TNFSF4: variants seen among roughly 807,000 people sequenced by gnomAD.
TNFSF4 encodes the protein tumor necrosis factor ligand superfamily member 4.
A neutral mutation model predicts 7.3 loss-of-function variants in TNFSF4; 4 were observed. The ratio of observed to expected loss-of-function variants is 0.55; its 90% CI spans 0.27 to 1.25. The LOEUF (loss-of-function observed/expected upper bound fraction) is 1.25. Ranked by LOEUF, TNFSF4 falls within the 50% of genes most tolerant of loss-of-function variation. TNFSF4 has a pLI of 0.12. For missense variants in TNFSF4, 181 were observed against 208.8 expected, an observed-to-expected ratio of 0.87 and a Z score of 0.82; for synonymous variants, 76 against 83.7, an observed-to-expected ratio of 0.91 and a Z score of 0.50.
the TNFSF4 span, among the ~76,000 whole-genome samples, chr1:173,252,550 T>C: frequency 6.6e-6 from 1 of 152,120 alleles, no homozygotes; most frequent in Non-Finnish European, 1.5e-5. Context: ...ACTTCTGCCC[T>C]GAATCTAGGT....
chr1:173,370,444 A>C, the TNFSF4 span, among the ~76,000 whole-genome samples: 8 of 152,196 alleles, frequency 5.3e-5, no homozygotes, highest in Non-Finnish European at 8.8e-5. Context: ...ATCTGTTGAC[A>C]TGTGCTCTAG....
the TNFSF4 span, among the ~76,000 whole-genome samples, chr1:173,291,307 G>C: frequency 6.6e-6 from 1 of 152,096 alleles, no homozygotes; most frequent in African/African-American, 2.4e-5. Context: ...TGCTAAATCA[G>C]TCATAAGAAG....
the TNFSF4 span, among the ~76,000 whole-genome samples, chr1:173,449,951 T>C: frequency 2.0e-5 from 3 of 151,928 alleles, 1 homozygote; most frequent in South Asian, 4.1e-4. Context: ...CTCAAATAAA[T>C]TGGAAACAGA....
At chr1:173,189,010 TCG>T (rs1372981638) in intron 1 of TNFSF4, among the ~76,000 whole-genome samples, 3 of 152,002 alleles carry the variant, frequency 2.0e-5, no homozygotes, top group Non-Finnish European at 4.4e-5. Context: ...CAGGCATGAG[TCG>T]CCATGCCCGG....
the TNFSF4 span, among the ~76,000 whole-genome samples, chr1:173,289,286 T>C: frequency 4.2e-4 from 64 of 152,132 alleles, 1 homozygote; most frequent in Non-Finnish European, 7.1e-4. Context: ...TGAAGATTTA[T>C]ATAGAAATGT....
intron 1 of TNFSF4, among the ~76,000 whole-genome samples, chr1:173,200,200 A>C (rs1649884567): frequency 6.6e-6 from 1 of 152,252 alleles, no homozygotes; most frequent in African/African-American, 2.4e-5. Context: ...GTGGCCAGGC[A>C]TAACAGAAGA....
At chr1:173,265,182 G>C in the TNFSF4 span, among the ~76,000 whole-genome samples, 2 of 152,178 alleles carry the variant, frequency 1.3e-5, no homozygotes, top group African/African-American at 4.8e-5. Flanking sequence ...TGAGAGATGT[G>C]AATTTATTTT....
the TNFSF4 span, among the ~76,000 whole-genome samples, chr1:173,410,817 G>A: frequency 6.6e-6 from 1 of 152,194 alleles, no homozygotes; most frequent in Non-Finnish European, 1.5e-5. Context: ...CTTTGGCCTA[G>A]GACTTGCCTG....
chr1:173,370,785 A>AGGCCCTTAGTCAT, the TNFSF4 span, among the ~76,000 whole-genome samples: 2 of 147,674 alleles, frequency 1.4e-5, no homozygotes, highest in Admixed American at 1.3e-4. Context: ...GATCAGAGAA[A>AGGCCCTTAGTCAT]GGCCCTTAGT....
chr1:173,217,889 A>G, the TNFSF4 span, among the ~76,000 whole-genome samples: 3 of 152,164 alleles, frequency 2.0e-5, no homozygotes, highest in Admixed American at 6.5e-5. Flanking sequence ...GCTGGGACAC[A>G]GGAACGTGCC....
At chr1:173,265,496 T>C in the TNFSF4 span, among the ~76,000 whole-genome samples, 1 of 152,190 alleles carries the variant, frequency 6.6e-6, no homozygotes, top group Non-Finnish European at 1.5e-5. Context: ...TATGATCATA[T>C]ATAAAACAGC....
chr1:173,245,860 G>C, the TNFSF4 span, among the ~76,000 whole-genome samples: 1 of 152,082 alleles, frequency 6.6e-6, no homozygotes, highest in Non-Finnish European at 1.5e-5. Flanking sequence ...TCTGTGCCTG[G>C]TTTATTCCAC....
chr1:173,370,930 A>G, the TNFSF4 span, among the ~76,000 whole-genome samples: 31 of 152,294 alleles, frequency 2.0e-4, 2 homozygotes, highest in Admixed American at 1.3e-3. Context: ...AGATTGTCCA[A>G]TGAGAAACAA....
the TNFSF4 span, among the ~76,000 whole-genome samples, chr1:173,394,573 TGAGGATTG>T: frequency 6.6e-6 from 1 of 152,186 alleles, no homozygotes; most frequent in African/African-American, 2.4e-5. Context: ...TCTTCCCAAA[TGAGGATTG>T]GCATTGTCCA....
chr1:173,365,532 G>T, the TNFSF4 span, among the ~76,000 whole-genome samples: 1 of 152,150 alleles, frequency 6.6e-6, no homozygotes, highest in East Asian at 1.9e-4. Context: ...CTTGTAGAGT[G>T]AGTAATCTTA....
the TNFSF4 span, among the ~76,000 whole-genome samples, chr1:173,377,185 C>A: frequency 2.6e-5 from 4 of 151,808 alleles, no homozygotes; most frequent in East Asian, 7.7e-4. Flanking sequence ...TTGGCAACCA[C>A]AAATGTACAA....
chr1:173,450,344 T>C, the TNFSF4 span, among the ~76,000 whole-genome samples: 1 of 152,090 alleles, frequency 6.6e-6, no homozygotes, highest in Non-Finnish European at 1.5e-5. Flanking sequence ...CTGATGAAGT[T>C]TACCAAACAT....
chr1:173,279,465 A>C, the TNFSF4 span, among the ~76,000 whole-genome samples: 1 of 152,012 alleles, frequency 6.6e-6, no homozygotes, highest in Non-Finnish European at 1.5e-5. Flanking sequence ...TAAATATGCA[A>C]CCCAGATCTC....
the TNFSF4 span, among the ~76,000 whole-genome samples, chr1:173,309,267 G>A: frequency 3.3e-5 from 5 of 151,768 alleles, no homozygotes; most frequent in Non-Finnish European, 7.4e-5. Flanking sequence ...AACAGTAACG[G>A]CGATGCAGTC....
Sources: allele counts gnomAD v4.1 joint callset (sites outside exome capture counted in the v4.1 genomes callset), GRCh38; gene constraint gnomAD v4.1.1; transcripts MANE v1.5; gene names NCBI Gene and HGNC (gene_info 2026-07-23, HGNC 2026-07-21).